The following KCNT2 variants were observed in gnomAD, a reference collection of about 807,000 sequenced individuals.
KCNT2 encodes potassium channel subfamily T member 2.
Under a neutral mutation model 153.8 loss-of-function variants are expected in KCNT2, and 67 were observed. The ratio of observed to expected loss-of-function variants is 0.44; its 90% CI spans 0.36 to 0.53. KCNT2 has a LOEUF of 0.53. Ranked by LOEUF, KCNT2 falls within the 20% of genes least tolerant of loss-of-function variation. The pLI, the probability that KCNT2 is intolerant of heterozygous loss-of-function variation, is 0.00. For missense variants in KCNT2, 975 were observed against 1,354.8 expected (o/e 0.72, Z 4.40); for synonymous variants, 500 against 458.8 (o/e 1.09, Z -1.15).
At chr1:196,470,995 C>T (rs1678053546) in intron 5 of KCNT2, among the ~76,000 whole-genome samples, 1 of 151,316 alleles carries the variant, frequency 6.6e-6, no homozygotes, top group Admixed American at 6.6e-5. Flanking sequence ...ATTCTCCTGC[C>T]TCAGCCTCCC....
intron 26 of KCNT2, among the ~76,000 whole-genome samples, chr1:196,254,327 C>A (rs551940588): frequency 6.6e-6 from 1 of 151,332 alleles, no homozygotes; most frequent in Non-Finnish European, 1.5e-5. Context: ...GGGGAAAATA[C>A]ACACACACTC....
intron 1 of KCNT2, among the ~76,000 whole-genome samples, chr1:196,563,844 A>T (rs1343568308): frequency 6.6e-6 from 1 of 151,958 alleles, no homozygotes; most frequent in Non-Finnish European, 1.5e-5. Context: ...AAGAAAGTAC[A>T]TGTAGAATAA....
chr1:196,332,807 C>T (rs1308144000), intron 17 of KCNT2, among the ~76,000 whole-genome samples: 2 of 140,764 alleles, frequency 1.4e-5, no homozygotes, highest in East Asian at 4.2e-4. Flanking sequence ...TTTTTTAAGA[C>T]AGAGTCTCAC....
intron 4 of KCNT2, among the ~76,000 whole-genome samples, chr1:196,480,269 G>A (rs778201488): frequency 6.6e-6 from 1 of 151,976 alleles, no homozygotes; most frequent in African/African-American, 2.4e-5. Context: ...GAATGAGAAC[G>A]GCAGATACCC....
intron 1 of KCNT2, among the ~76,000 whole-genome samples, chr1:196,526,274 A>G (rs924520156): frequency 1.3e-5 from 2 of 151,364 alleles, no homozygotes; most frequent in Non-Finnish European, 2.9e-5. Context: ...CATACATACA[A>G]TTTCAATGCT....
At chr1:196,311,458 C>T (rs1406827448) in intron 21 of KCNT2, among the ~76,000 whole-genome samples, 1 of 151,868 alleles carries the variant, frequency 6.6e-6, no homozygotes, top group East Asian at 1.9e-4. Context: ...TGACCTGTTT[C>T]AATGTTTCCA....
intron 1 of KCNT2, among the ~76,000 whole-genome samples, chr1:196,537,881 T>C (rs1388152743): frequency 6.6e-6 from 1 of 152,202 alleles, no homozygotes. Context: ...CACCTTCCCC[T>C]TCTTTACGGT....
chr1:196,334,149 A>G (rs180979018), intron 16 of KCNT2, 89 bp from the exon 17 acceptor site: 2 of 739,312 alleles, frequency 2.7e-6, no homozygotes, highest in African/African-American at 1.8e-5. Flanking sequence ...AATATAATAA[A>G]CACAATAAAT....
At chr1:196,288,501 A>G (rs1050076150) in intron 22 of KCNT2, among the ~76,000 whole-genome samples, 1 of 152,074 alleles carries the variant, frequency 6.6e-6, no homozygotes, top group African/African-American at 2.4e-5. Context: ...TTTGATGACA[A>G]TGTGGAAAAT....
intron 26 of KCNT2, among the ~76,000 whole-genome samples, chr1:196,256,423 G>A (rs1340316099): frequency 6.6e-6 from 1 of 151,748 alleles, no homozygotes; most frequent in Non-Finnish European, 1.5e-5. Context: ...TTTAATTTTG[G>A]TTTAACAAAG....
At chr1:196,489,465 A>G (rs1029632019) in intron 3 of KCNT2, among the ~76,000 whole-genome samples, 1 of 152,008 alleles carries the variant, frequency 6.6e-6, no homozygotes, top group Non-Finnish European at 1.5e-5. Flanking sequence ...TTATGAGGAG[A>G]TTACAATGTT....
At chr1:196,384,429 C>T (rs1051712062) in intron 13 of KCNT2, among the ~76,000 whole-genome samples, 2 of 152,124 alleles carry the variant, frequency 1.3e-5, no homozygotes, top group African/African-American at 2.4e-5. Context: ...TATAATCTCA[C>T]GCCTGTAATC....
chr1:196,245,269 T>G (rs1049343167), intron 26 of KCNT2, among the ~76,000 whole-genome samples: 1 of 151,770 alleles, frequency 6.6e-6, no homozygotes, highest in Admixed American at 6.6e-5. Flanking sequence ...GGTGGGAGGA[T>G]TGCTTGAGCC....
intron 16 of KCNT2, among the ~76,000 whole-genome samples, chr1:196,336,404 C>A (rs2148130818): frequency 6.6e-6 from 1 of 152,256 alleles, no homozygotes; most frequent in East Asian, 1.9e-4. Flanking sequence ...AATCCACTCT[C>A]CTTTCAGTCT....
chr1:196,290,671 A>G (rs1322368590), intron 22 of KCNT2, among the ~76,000 whole-genome samples: 3 of 151,942 alleles, frequency 2.0e-5, no homozygotes, highest in Non-Finnish European at 2.9e-5. Flanking sequence ...ATTTTAATAT[A>G]CTTAAATAAA....
intron 8 of KCNT2, among the ~76,000 whole-genome samples, chr1:196,454,551 A>G (rs1676491533): frequency 6.6e-6 from 1 of 151,900 alleles, no homozygotes. Context: ...ATGACTGTGT[A>G]GTATTTCATG....
rs115085598 is a variant in KCNT2, at chr1:196,436,734, G to A, written c.639-6977C>T. On this transcript the variant is annotated intron_variant, in intron 8 of 27. Coordinates refer to ENST00000294725, the MANE Select transcript of KCNT2 (RefSeq NM_198503.5). ...AGAAATAATTTTAATGATAGGCAGAGATTTTCTGATAAATTAAATACAAAA... is the reference window on the plus strand; with the variant it reads ...AGAAATAATTTTAATGATAGGCAGAAATTTTCTGATAAATTAAATACAAAA... Among the ~76,000 whole-genome samples, 821 of 150,982 alleles carry A rather than the reference G, an allele frequency of 5.4e-3. 4 individuals carry two copies. The highest frequency in any genetic ancestry group is 0.019 in the African/African-American group (771 of 41,350).
At chr1:196,264,227 C>T (rs1299522825) in intron 25 of KCNT2, among the ~76,000 whole-genome samples, 1 of 152,160 alleles carries the variant, frequency 6.6e-6, no homozygotes. Context: ...CACTTGATGA[C>T]TGCCTGCTCT....
chr1:196,603,085 C>T (rs1030749398), intron 1 of KCNT2, among the ~76,000 whole-genome samples: 1 of 152,016 alleles, frequency 6.6e-6, no homozygotes, highest in African/African-American at 2.4e-5. Context: ...CGCGCCCGGC[C>T]CAAAGTCTAT....
Sources: allele counts gnomAD v4.1 joint callset (sites outside exome capture counted in the v4.1 genomes callset), GRCh38; gene constraint gnomAD v4.1.1; transcripts MANE v1.5; gene names NCBI Gene and HGNC (gene_info 2026-07-23, HGNC 2026-07-21).